ZNF652: variants seen among roughly 807,000 people sequenced by gnomAD.
ZNF652 encodes the protein zinc finger protein 652.
ZNF652 carries 16 observed loss-of-function variants against 45.2 expected under a neutral mutation model. The observed-to-expected ratio is 0.35, with a 90% CI of 0.24 to 0.54. The LOEUF (loss-of-function observed/expected upper bound fraction) is 0.54. Ranked by LOEUF, ZNF652 falls within the 20% of genes least tolerant of loss-of-function variation. The pLI is 0.91. For missense variants in ZNF652, 614 were observed against 765.6 expected, an observed-to-expected ratio of 0.80 and a Z score of 2.34; for synonymous variants, 250 against 260.6, an observed-to-expected ratio of 0.96 and a Z score of 0.39.
At position 49,317,426 on chromosome 17, in the gene ZNF652, A is replaced by G. The variant is rs377167121; in HGVS notation, c.300T>C (p.Ser100=). ...VHAVKEDREN[S]DDTEEEEEEV... is the part of the protein sequence containing the mutation. ...CTTCCTCTTCCTCCTCTGTGTCATCAGAATTCTCCCGGTCTTCCTTAACAG... is the reference window on the plus strand; with the variant it reads ...CTTCCTCTTCCTCCTCTGTGTCATCGGAATTCTCCCGGTCTTCCTTAACAG... Residue 100 remains serine, a synonymous_variant, in exon 2 of 6, where the codon TCT becomes TCC. Transcript: ENST00000430262. 1.2e-6 allele frequency: 2 copies of G among 1,614,158 alleles called. No individual in the cohort carries two copies. The highest frequency in any genetic ancestry group is 4.5e-5 in the East Asian group (2 of 44,880).
In ZNF652 at chr17:49,292,141, A is replaced by C. The variant is rs1376234345; in HGVS notation, c.*6272T>G. 6.6e-6 allele frequency among the ~76,000 whole-genome samples: 1 copy of C among 152,226 alleles called. No homozygotes were observed. Among genetic ancestry groups the C allele is most frequent in the Non-Finnish European group, 1.5e-5 (1 of 68,052 alleles). ...AGTCAGAAAGGAAAAATGCTGACTA[A>C]GGCCCAAATGCTCAACTCCAAGCTT... On this transcript the variant is annotated 3_prime_UTR_variant, in exon 6 of 6. Transcript: ENST00000430262.
chr17:49,345,758 G>A (rs1195592464), intron 1 of ZNF652, among the ~76,000 whole-genome samples: 10 of 150,666 alleles, frequency 6.6e-5, no homozygotes, highest in African/African-American at 2.4e-4. Flanking sequence ...GGAGAATGGC[G>A]TGAACCCAGA....
At chr17:49,321,479 T>C (rs2069892120) in intron 1 of ZNF652, among the ~76,000 whole-genome samples, 1 of 147,420 alleles carries the variant, frequency 6.8e-6, no homozygotes, top group Non-Finnish European at 1.5e-5. Flanking sequence ...TTTCACCATG[T>C]TGGTCAGGCT....
At chr17:49,336,673 C>G (rs1598307179) in intron 1 of ZNF652, among the ~76,000 whole-genome samples, 1 of 150,282 alleles carries the variant, frequency 6.7e-6, no homozygotes, top group South Asian at 2.1e-4. Context: ...GTCACCCAGG[C>G]TGGAGTACAA....
At chr17:49,353,365 T>A (rs1352920108) in intron 1 of ZNF652, among the ~76,000 whole-genome samples, 2 of 152,160 alleles carry the variant, frequency 1.3e-5, no homozygotes, top group Non-Finnish European at 2.9e-5. Context: ...GAGAGAGGTC[T>A]GACTATGTTG....
intron 1 of ZNF652, among the ~76,000 whole-genome samples, chr17:49,327,807 A>T (rs1179867062): frequency 1.1e-5 from 1 of 91,506 alleles, no homozygotes; most frequent in Non-Finnish European, 2.2e-5. Context: ...TAGTAGAGAT[A>T]GGGTTTCACC....
chr17:49,292,718 A>G lies in ZNF652; in HGVS notation c.*5695T>C, dbSNP rs931796283. ...AAAGGAACGTCAAATTTCTGGTGAA[A>G]GTAAAAAAAGTGAAGAGTCAAATAA... On this transcript the variant is annotated 3_prime_UTR_variant, in exon 6 of 6. Coordinates refer to ENST00000430262, the MANE Select transcript of ZNF652 (RefSeq NM_001145365.3). Among the ~76,000 whole-genome samples, 2 of 152,200 alleles carry G rather than the reference A, an allele frequency of 1.3e-5. No individual in the cohort carries two copies. Among genetic ancestry groups the G allele is most frequent in the African/African-American group, 4.8e-5 (2 of 41,446 alleles).
chr17:49,347,380 C>T (rs1471663152), intron 1 of ZNF652, among the ~76,000 whole-genome samples: 1 of 152,120 alleles, frequency 6.6e-6, no homozygotes, highest in Non-Finnish European at 1.5e-5. Flanking sequence ...GCCTGGGAAA[C>T]ATGGTGAAAC....
rs958915564 is a variant in ZNF652 at position 49,304,049 on chromosome 17, T to C, written c.1310-5125A>G. Among the ~76,000 whole-genome samples the C allele has an allele frequency of 1.5e-4, 17 of 114,920 alleles. No homozygotes were observed. The East Asian group carries it at 2.0e-3, about 13-fold the overall frequency. The allele number at this position is 114,920 out of a possible 152,430, so 75.4% of individuals were successfully genotyped here. On this transcript the variant is annotated intron_variant, in intron 5 of 5. Coordinates refer to ENST00000430262, the MANE Select transcript of ZNF652 (RefSeq NM_001145365.3). Reference sequence around the variant, plus strand: ...GACTACAGGCGCCCGCCACCATGCCTGGCTAATTTTTTTTTTTTTTTTTTG... The same window carrying C: ...GACTACAGGCGCCCGCCACCATGCCCGGCTAATTTTTTTTTTTTTTTTTTG...
intron 1 of ZNF652, among the ~76,000 whole-genome samples, chr17:49,350,894 C>T (rs2070263905): frequency 6.8e-6 from 1 of 148,054 alleles, no homozygotes; most frequent in South Asian, 2.2e-4. Flanking sequence ...TGCTTGAACC[C>T]GAGAGGCAGA....
intron 1 of ZNF652, among the ~76,000 whole-genome samples, chr17:49,323,213 T>C (rs2069917509): frequency 6.6e-6 from 1 of 152,236 alleles, no homozygotes; most frequent in Non-Finnish European, 1.5e-5. Flanking sequence ...GTTTATGGAA[T>C]GAATATTCTA....
intron 1 of ZNF652, among the ~76,000 whole-genome samples, chr17:49,329,725 C>T (rs2143845085): frequency 6.6e-6 from 1 of 152,322 alleles, no homozygotes; most frequent in East Asian, 1.9e-4. Flanking sequence ...GTTTTTTACA[C>T]ACGCATTTAA....
At chr17:49,340,952 A>G (rs2070139011) in intron 1 of ZNF652, among the ~76,000 whole-genome samples, 1 of 152,192 alleles carries the variant, frequency 6.6e-6, no homozygotes, top group African/African-American at 2.4e-5. Flanking sequence ...GCAGTGGCTT[A>G]TACCTGTAAT....
chr17:49,336,991 A>G (rs2070092400), intron 1 of ZNF652, among the ~76,000 whole-genome samples: 1 of 137,818 alleles, frequency 7.3e-6, no homozygotes, highest in Admixed American at 7.6e-5. Flanking sequence ...AGGTTGAGTG[A>G]AATAAAATCT....
intron 1 of ZNF652, among the ~76,000 whole-genome samples, chr17:49,347,735 G>GTTTTTTTTTTTTT (rs1567698709): frequency 2.4e-5 from 3 of 124,410 alleles, no homozygotes; most frequent in Non-Finnish European, 3.2e-5. Context: ...TTGAACCTTG[G>GTTTTTTTTTTTTT]TTTTGTTTTT....
intron 1 of ZNF652, among the ~76,000 whole-genome samples, chr17:49,319,070 A>G (rs1045757033): frequency 6.6e-6 from 1 of 152,128 alleles, no homozygotes; most frequent in Non-Finnish European, 1.5e-5. Flanking sequence ...TCCAAGAAAA[A>G]TAAAACCATC....
At position 49,293,255 on chromosome 17, in the gene ZNF652, G is replaced by A. The variant is rs1398851119; in HGVS notation, c.*5158C>T. 6.6e-6 allele frequency among the ~76,000 whole-genome samples: 1 copy of A among 152,134 alleles called. No individual in the cohort carries two copies. Among genetic ancestry groups the A allele is most frequent in the African/African-American group, 2.4e-5 (1 of 41,432 alleles). ...AATATGTATGTCTGCAAAGTATTCT[G>A]ACTTAAGTAAAGAATTTGATAAATG... is the stretch of plus-strand genomic sequence containing the variant. On this transcript the variant is annotated 3_prime_UTR_variant, in exon 6 of 6. Transcript: ENST00000430262.
intron 1 of ZNF652, among the ~76,000 whole-genome samples, chr17:49,360,122 T>C (rs932301941): frequency 2.6e-5 from 4 of 152,206 alleles, no homozygotes; most frequent in Non-Finnish European, 5.9e-5. Flanking sequence ...CATTTCCTTT[T>C]TACAGGAAAA....
At chr17:49,311,579 G>T in intron 4 of ZNF652, 123 bp from the exon 5 acceptor site, 1 of 1,105,772 alleles carries the variant, frequency 9.0e-7, no homozygotes, top group Non-Finnish European at 1.2e-6. Context: ...GCTTGTGTCA[G>T]CTATTTGGCT....
Sources: allele counts gnomAD v4.1 joint callset (sites outside exome capture counted in the v4.1 genomes callset), GRCh38; gene constraint gnomAD v4.1.1; transcripts MANE v1.5; gene names NCBI Gene and HGNC (gene_info 2026-07-23, HGNC 2026-07-21).